The following ZNF853 variants were observed in gnomAD, a reference collection of about 807,000 sequenced individuals.
The protein encoded by ZNF853 is zinc finger protein 853.
ZNF853 carries 57 observed loss-of-function variants against 94.7 expected under a neutral mutation model. The observed-to-expected ratio is 0.60, with a 90% CI of 0.49 to 0.75. ZNF853 has a LOEUF of 0.75. Among genes scored for constraint, ZNF853 ranks in the 30% least tolerant of loss-of-function variants. ZNF853 has a pLI of 0.00. For synonymous variants in ZNF853, 448 were observed against 406.3 expected (o/e 1.10, Z -1.23); for missense variants, 785 against 868.9 (o/e 0.90, Z 1.21).
chr7:6,621,588 A>G lies in ZNF853; in HGVS notation c.597A>G (p.Gln199=), dbSNP rs1252346699. 4.5e-6 allele frequency: 7 copies of G among 1,551,370 alleles called. No homozygotes were observed. Among genetic ancestry groups the G allele is most frequent in the Non-Finnish European group, 5.2e-6 (6 of 1,146,708 alleles). Residue 199 remains glutamine (Q), a synonymous_variant, in exon 3 of 3, where the codon CAA becomes CAG. Coordinates refer to ENST00000457543, the MANE Select transcript of ZNF853 (RefSeq NM_017560.3). ...AGGAACAGCTACAGCAGCAAGTGCA[A>G]GAGCAACAGCTGTTACAGCAACAGC... The part of the protein sequence containing the change: ...QQQEQLQQQV[Q]EQQLLQQQQE...
rs1440825094 is a variant in ZNF853, at chr7:6,622,902, G to A, written c.1911G>A (p.Ala637=). Residue 637 remains alanine, a synonymous_variant, in exon 3 of 3, where the codon GCG becomes GCA. Coordinates refer to ENST00000457543, the MANE Select transcript of ZNF853 (RefSeq NM_017560.3). ...GLGLLRASRP[A]ALGGPARAEQ... Reference sequence around the variant, plus strand: ...GCCTGCTGCGCGCCTCGCGGCCGGCGGCCCTCGGTGGCCCAGCCCGCGCGG... The same window carrying A: ...GCCTGCTGCGCGCCTCGCGGCCGGCAGCCCTCGGTGGCCCAGCCCGCGCGG... 3 of 1,244,526 alleles carry A rather than the reference G, an allele frequency of 2.4e-6. No individual in the cohort carries two copies. The highest frequency in any genetic ancestry group is 3.0e-6 in the Non-Finnish European group (3 of 995,178). The allele number at this position is 1,244,526 out of a possible 1,614,324, so 77.1% of individuals were successfully genotyped here. A position where few individuals can be genotyped will look rare whatever the true frequency, so the allele number is the denominator to read the frequency against.
In ZNF853 at chr7:6,622,873, C is replaced by G. The variant is rs1782665160; in HGVS notation, c.1882C>G (p.Leu628Val). The G allele has an allele frequency of 7.3e-7, 1 of 1,365,872 alleles. No individual in the cohort carries two copies. The highest frequency in any genetic ancestry group is 9.4e-7 in the Non-Finnish European group (1 of 1,064,274). 84.6% of individuals were successfully genotyped at this position (1,365,872 alleles called of 1,614,324 possible). A position where few individuals can be genotyped will look rare whatever the true frequency, so the allele number is the denominator to read the frequency against. ...QLHGAGRSRG[L>V]GLLRASRPAA... ...GCACGGCGCGGGCCGCTCCAGGGGC[C>G]TCGGCCTGCTGCGCGCCTCGCGGCC... Residue 628 changes from leucine (L) to valine (V), a missense_variant, in exon 3 of 3, where the codon CTC becomes GTC. Leu to Val is a conservative substitution (Grantham distance 32). Transcript: ENST00000457543.
At position 6,616,220 on chromosome 7, in the gene ZNF853, C is replaced by G; in HGVS notation, c.12+34C>G. On this transcript the variant is annotated intron_variant, in intron 1 of 2. Coordinates refer to ENST00000457543, the MANE Select transcript of ZNF853 (RefSeq NM_017560.3). ...CAGGGGGTCGTTGGCGCTGGGCAAC[C>G]GGGGACGCGTCCCTTGAGAGAGTTT... 76 of 1,545,640 alleles carry G rather than the reference C, an allele frequency of 4.9e-5. No individual in the cohort carries two copies. In the African/African-American group the frequency reaches 9.0e-4, roughly 18 times the overall value.
In ZNF853 at chr7:6,615,766, C is replaced by G. The variant is rs1377122145; in HGVS notation, c.-409C>G. ...GCAGGCTCCGGGCACCTGTAGCCCC[C>G]GAGGACCCGCGTCGCCTGGCCGCCG... On this transcript the variant is annotated 5_prime_UTR_variant, in exon 1 of 3. Coordinates refer to ENST00000457543, the MANE Select transcript of ZNF853 (RefSeq NM_017560.3). This position sits in a 1 kb window ranked among gnomAD's most constrained non-coding sequence, Gnocchi z 8.5. 1 of 148,066 alleles carries G rather than the reference C, an allele frequency of 6.8e-6. No individual in the cohort carries two copies. Among genetic ancestry groups the G allele is most frequent in the Non-Finnish European group, 1.5e-5 (1 of 66,350 alleles). 9.2% of individuals were successfully genotyped at this position (148,066 alleles called of 1,614,324 possible).
rs1398494206 is a variant in ZNF853, at chr7:6,622,811, G to C, written c.1820G>C (p.Arg607Pro). The change falls in exon 3 of 3, where the codon CGA (arginine) becomes CCA (proline). Residue 607 changes from arginine to proline, a missense_variant. Arg to Pro is a moderately radical substitution (Grantham distance 103, BLOSUM62 -2). Coordinates refer to ENST00000457543, the MANE Select transcript of ZNF853 (RefSeq NM_017560.3). ...TGCGAGGACTGTGGCGAGCGCTTCCGACACAAGGTGCAGATCCGCCGCCAC... is the reference window on the plus strand; with the variant it reads ...TGCGAGGACTGTGGCGAGCGCTTCCCACACAAGGTGCAGATCCGCCGCCAC... Reference protein sequence around the residue: ...YVCEDCGERFRHKVQIRRHER... With the variant: ...YVCEDCGERFPHKVQIRRHER... The C allele has an allele frequency of 1.3e-6, 2 of 1,532,218 alleles. No homozygotes were observed. The highest frequency in any genetic ancestry group is 1.7e-6 in the Non-Finnish European group (2 of 1,143,756). 94.9% of individuals were successfully genotyped at this position (1,532,218 alleles called of 1,614,324 possible).
At chr7:6,617,371 C>G in intron 2 of ZNF853, 64 bp downstream of exon 2, 4 of 1,298,152 alleles carry the variant, frequency 3.1e-6, no homozygotes, top group South Asian at 1.6e-5. Flanking sequence ...GAAAGAGGCT[C>G]AAGGGTGGCG....
chr7:6,621,999 G>A lies in ZNF853; in HGVS notation c.1008G>A (p.Glu336=). ...PVDLGSEQEL[E]QQRQELERQQ... ...ACCTGGGGTCAGAGCAGGAGCTGGA[G>A]CAGCAGCGGCAGGAGTTGGAGCGGC... The change falls in exon 3 of 3, where the codon GAG becomes GAA. Residue 336 remains glutamate, a synonymous_variant. Transcript: ENST00000457543. 1 of 1,550,368 alleles carries A rather than the reference G, an allele frequency of 6.5e-7. No individual in the cohort carries two copies. The highest frequency in any genetic ancestry group is 8.7e-7 in the Non-Finnish European group (1 of 1,146,896).
chr7:6,617,256 C>G lies in ZNF853; in HGVS notation c.79C>G (p.Leu27Val). The G allele has an allele frequency of 6.5e-7, 1 of 1,529,212 alleles. No individual in the cohort carries two copies. Among genetic ancestry groups the G allele is most frequent in the Non-Finnish European group, 8.8e-7 (1 of 1,135,466 alleles). 94.7% of individuals were successfully genotyped at this position (1,529,212 alleles called of 1,614,324 possible). Reference protein sequence around the residue: ...EVGPATETFVLELQCLEDGGP... With the variant: ...EVGPATETFVVELQCLEDGGP... Reference sequence around the variant, plus strand: ...GGGGCCAGCCACCGAGACCTTCGTGCTGGAACTTCAATGTCTTGAGGATGG... The same window carrying G: ...GGGGCCAGCCACCGAGACCTTCGTGGTGGAACTTCAATGTCTTGAGGATGG... The change falls in exon 2 of 3, where the codon CTG (leucine) becomes GTG (valine). Residue 27 changes from leucine to valine, a missense_variant. Coordinates refer to ENST00000457543, the MANE Select transcript of ZNF853 (RefSeq NM_017560.3).
Position 6,622,021 on chromosome 7 carries a change from C to G in ZNF853, c.1030C>G (p.Arg344Gly), listed in dbSNP as rs1224266921. ...GGAGCAGCAGCGGCAGGAGTTGGAGCGGCAGCAGGAGCTGGAACGGCAGCA... is the reference window on the plus strand; with the variant it reads ...GGAGCAGCAGCGGCAGGAGTTGGAGGGGCAGCAGGAGCTGGAACGGCAGCA... ...ELEQQRQELE[R>G]QQELERQQEQ... Residue 344 changes from arginine to glycine, a missense_variant, in exon 3 of 3, where the codon CGG becomes GGG. By Grantham distance (125) the Arg-to-Gly change is moderately radical. Transcript: ENST00000457543. 2 of 1,549,196 alleles carry G rather than the reference C, an allele frequency of 1.3e-6. No individual in the cohort carries two copies. Among genetic ancestry groups the G allele is most frequent in the South Asian group, 2.4e-5 (2 of 83,952 alleles).
chr7:6,623,097 C>T lies in ZNF853; in HGVS notation c.*126C>T. On this transcript the variant is annotated 3_prime_UTR_variant, in exon 3 of 3. Transcript: ENST00000457543. ...ATATCCCTGGAGTAAAAGGCTTCCA[C>T]CATCATCATCATCATCATCTTCCGG... 7 of 743,534 alleles carry T rather than the reference C, an allele frequency of 9.4e-6. No homozygotes were observed. The highest frequency in any genetic ancestry group is 6.8e-5 in the East Asian group (2 of 29,594). 46.1% of individuals were successfully genotyped at this position (743,534 alleles called of 1,614,324 possible).
At chr7:6,619,996 C>G in intron 2 of ZNF853, among the ~76,000 whole-genome samples, 2 of 152,156 alleles carry the variant, frequency 1.3e-5, no homozygotes, top group African/African-American at 4.8e-5. Context: ...CTTTGCAAAC[C>G]AATCCTAACC....
At chr7:6,620,136 A>C in intron 2 of ZNF853, among the ~76,000 whole-genome samples, 1 of 152,184 alleles carries the variant, frequency 6.6e-6, no homozygotes, top group African/African-American at 2.4e-5. Context: ...GTGAGCCTGC[A>C]GGAGGTTGTA....
Position 6,623,124 on chromosome 7 carries a change from T to G in ZNF853, c.*153T>G. Reference sequence around the variant, plus strand: ...ATCATCATCATCATCATCTTCCGGATTCCCTGAGAAAATACCAGGTTCACA... The same window carrying G: ...ATCATCATCATCATCATCTTCCGGAGTCCCTGAGAAAATACCAGGTTCACA... On this transcript the variant is annotated 3_prime_UTR_variant, in exon 3 of 3. Transcript: ENST00000457543. The G allele has an allele frequency of 1.2e-3, 688 of 582,238 alleles. No homozygotes were observed. The highest frequency in any genetic ancestry group is 1.6e-3 in the Non-Finnish European group (645 of 392,296). The allele number at this position is 582,238 out of a possible 1,614,324, so 36.1% of individuals were successfully genotyped here.
Position 6,621,290 on chromosome 7 carries a change from C to A in ZNF853, c.299C>A (p.Pro100Gln). The A allele has an allele frequency of 6.4e-7, 1 of 1,550,950 alleles. No homozygotes were observed. The highest frequency in any genetic ancestry group is 8.7e-7 in the Non-Finnish European group (1 of 1,146,458). Residue 100 changes from proline (P) to glutamine (Q), a missense_variant, in exon 3 of 3, where the codon CCG becomes CAG. By Grantham distance (76) the Pro-to-Gln change is moderately conservative. Transcript: ENST00000457543. Reference sequence around the variant, plus strand: ...CAGCAGTTAGAACAGCAGCCCGAGCCGCAGCAACAGCCGCAACACGAGCAG... The same window carrying A: ...CAGCAGTTAGAACAGCAGCCCGAGCAGCAGCAACAGCCGCAACACGAGCAG... Reference protein sequence around the residue: ...QLQQLEQQPEPQQQPQHEQLQ... With the variant: ...QLQQLEQQPEQQQQPQHEQLQ...
Position 6,621,850 on chromosome 7 carries a change from C to A in ZNF853, c.859C>A (p.Gln287Lys). 6.4e-7 allele frequency: 1 copy of A among 1,550,586 alleles called. No homozygotes were observed. The highest frequency in any genetic ancestry group is 8.7e-7 in the Non-Finnish European group (1 of 1,146,540). The change falls in exon 3 of 3, where the codon CAG (glutamine) becomes AAG (lysine). Residue 287 changes from glutamine (Q) to lysine (K), a missense_variant. Coordinates refer to ENST00000457543, the MANE Select transcript of ZNF853 (RefSeq NM_017560.3). The stretch of plus-strand genomic sequence containing the variant: ...ACTGCTGCAGCAGCAGGAACAGTTA[C>A]AGCAGCAGCAGCAACAGCAGCTGTT... Reference protein sequence around the residue: ...QLLLQQQEQLQQQQQQQLLQQ... With the variant: ...QLLLQQQEQLKQQQQQQLLQQ...
In ZNF853 at chr7:6,623,198, G is replaced by A. The variant is rs1583431366; in HGVS notation, c.*227G>A. 2.4e-6 allele frequency: 1 copy of A among 425,358 alleles called. No homozygotes were observed. Among genetic ancestry groups the A allele is most frequent in the Non-Finnish European group, 4.0e-6 (1 of 250,614 alleles). The allele number at this position is 425,358 out of a possible 1,614,324, so 26.3% of individuals were successfully genotyped here. ...TCCGCCAAAAGAGAAGTGGACCGGG[G>A]CTGAAACAGCACACGGGACACGTTT... On this transcript the variant is annotated 3_prime_UTR_variant, in exon 3 of 3. Transcript: ENST00000457543.
rs369839305 is a variant in ZNF853, at chr7:6,623,122, G to A, written c.*151G>A. 1.4e-3 allele frequency: 921 copies of A among 647,310 alleles called. 3 individuals carry two copies. The highest frequency in any genetic ancestry group is 1.9e-3 in the Non-Finnish European group (846 of 453,734). 40.1% of individuals were successfully genotyped at this position (647,310 alleles called of 1,614,324 possible). ...CCATCATCATCATCATCATCTTCCGGATTCCCTGAGAAAATACCAGGTTCA... is the reference window on the plus strand; with the variant it reads ...CCATCATCATCATCATCATCTTCCGAATTCCCTGAGAAAATACCAGGTTCA... On this transcript the variant is annotated 3_prime_UTR_variant, in exon 3 of 3. Coordinates refer to ENST00000457543, the MANE Select transcript of ZNF853 (RefSeq NM_017560.3).
At chr7:6,619,410 T>C in intron 2 of ZNF853, among the ~76,000 whole-genome samples, 2 of 152,110 alleles carry the variant, frequency 1.3e-5, no homozygotes, top group Admixed American at 1.3e-4. Context: ...TAGATGGGAC[T>C]ACAGGCGCAC....
intron 1 of ZNF853, 81 bp from the exon 2 acceptor site, chr7:6,617,096 AGGCAGAGGTGGAG>A: frequency 1.1e-6 from 1 of 943,380 alleles, no homozygotes; most frequent in African/African-American, 1.7e-5. Context: ...GGGTGGCCCG[AGGCAGAGGTGGAG>A]GGCCTTTGGG....
Sources: allele counts gnomAD v4.1 joint callset (sites outside exome capture counted in the v4.1 genomes callset), GRCh38; gene constraint gnomAD v4.1.1; non-coding constraint Gnocchi (gnomAD v3.1); transcripts MANE v1.5; gene names NCBI Gene and HGNC (gene_info 2026-07-23, HGNC 2026-07-21).